The following NEK11 variants were observed in gnomAD, a reference collection of about 807,000 sequenced individuals.
NEK11 encodes serine/threonine-protein kinase Nek11.
Under a neutral mutation model 80.7 loss-of-function variants are expected in NEK11, and 72 were observed. The observed-to-expected ratio is 0.89, with a 90% confidence interval of 0.74 to 1.08. NEK11 has a LOEUF of 1.08. Ranked by LOEUF, NEK11 falls within the 50% of genes least tolerant of loss-of-function variation. The probability of loss-of-function intolerance (pLI) is 0.00; values close to 1 mark genes in which losing one functional copy is unlikely to be tolerated. For missense variants in NEK11, 764 were observed against 763.6 expected (o/e 1.00, Z -0.01); for synonymous variants, 251 against 260.7 (o/e 0.96, Z 0.36).
chr3:131,203,345 C>T (rs1485334870), intron 14 of NEK11, among the ~76,000 whole-genome samples: 4 of 150,492 alleles, frequency 2.7e-5, no homozygotes, highest in East Asian at 2.0e-4. Context: ...AACCAAACAC[C>T]GCATGTTCTC....
chr3:131,150,172 C>T (rs182054643), intron 7 of NEK11, among the ~76,000 whole-genome samples: 95 of 152,048 alleles, frequency 6.2e-4, no homozygotes, highest in African/African-American at 2.2e-3. Context: ...ATGTCTAGCA[C>T]AATTTTACTG....
Position 131,315,281 on chromosome 3 carries a change from C to G in NEK11, c.1719-34276C>G, listed in dbSNP as rs181686291. 2.8e-3 allele frequency among the ~76,000 whole-genome samples: 421 copies of G among 152,286 alleles called. 7 individuals are homozygous for G. The highest frequency in any genetic ancestry group is 0.012 in the Admixed American group (183 of 15,288). ...ACATCTTCCCATTTAATCCCTCCCC[C>G]CAACAGCCACCATTCTATTCTCTGT... On this transcript the variant is annotated intron_variant, in intron 17 of 17. Transcript: ENST00000383366.
At position 131,349,804 on chromosome 3, in the gene NEK11, A is replaced by C; in HGVS notation, c.*28A>C. 1 of 1,533,618 alleles carries C rather than the reference A, an allele frequency of 6.5e-7. No homozygotes were observed. The highest frequency in any genetic ancestry group is 9.0e-7 in the Non-Finnish European group (1 of 1,109,464). On this transcript the variant is annotated 3_prime_UTR_variant, in exon 18 of 18. Coordinates refer to ENST00000383366, the MANE Select transcript of NEK11 (RefSeq NM_024800.5). ...AACTATCAAAAAGAAGCAGAAGTTCAAGTGGACAAATTTATGTGAAAATTC... is the reference window on the plus strand; with the variant it reads ...AACTATCAAAAAGAAGCAGAAGTTCCAGTGGACAAATTTATGTGAAAATTC...
chr3:131,337,795 C>G (rs1468987706), intron 17 of NEK11, among the ~76,000 whole-genome samples: 1 of 151,998 alleles, frequency 6.6e-6, no homozygotes, highest in Non-Finnish European at 1.5e-5. Context: ...CAATCTGAAC[C>G]CCCCCTCCAT....
rs547479388 is a variant in NEK11, at chr3:131,298,224, G to A, written c.1718+24650G>A. ...AAGAAAGTCATTGGTAGCTTGATGG[G>A]GATGGCATTGAATCTATAAATTACC... is the stretch of plus-strand genomic sequence containing the variant. On this transcript the variant is annotated intron_variant, in intron 17 of 17. Coordinates refer to ENST00000383366, the MANE Select transcript of NEK11 (RefSeq NM_024800.5). Among the ~76,000 whole-genome samples the A allele has an allele frequency of 9.2e-5, 14 of 151,564 alleles. No homozygotes were observed. In the East Asian group the frequency reaches 2.1e-3, roughly 23 times the overall value.
At chr3:131,033,377 G>T (rs1162530315) in intron 3 of NEK11, among the ~76,000 whole-genome samples, 1 of 152,032 alleles carries the variant, frequency 6.6e-6, no homozygotes, top group Admixed American at 6.6e-5. Flanking sequence ...TTCTATAATG[G>T]TATGAATGCT....
At chr3:131,198,358 ATCTTT>A (rs1201757825) in intron 14 of NEK11, among the ~76,000 whole-genome samples, 1 of 152,220 alleles carries the variant, frequency 6.6e-6, no homozygotes, top group Non-Finnish European at 1.5e-5. Context: ...GTTACATTCT[ATCTTT>A]TCTTCATTGT....
intron 16 of NEK11, among the ~76,000 whole-genome samples, chr3:131,259,439 C>T (rs1337336020): frequency 6.6e-6 from 1 of 152,150 alleles, no homozygotes; most frequent in Non-Finnish European, 1.5e-5. Flanking sequence ...ATTAAAGGAA[C>T]CAAGACAATA....
intron 5 of NEK11, among the ~76,000 whole-genome samples, chr3:131,110,621 A>G (rs913236064): frequency 2.0e-5 from 3 of 152,166 alleles, no homozygotes; most frequent in Non-Finnish European, 2.9e-5. Context: ...ATGAACATAC[A>G]TAGACAAAAA....
intron 17 of NEK11, among the ~76,000 whole-genome samples, chr3:131,334,519 A>G (rs2097148854): frequency 6.6e-6 from 1 of 151,386 alleles, no homozygotes; most frequent in African/African-American, 2.4e-5. Context: ...AAAGCAGGAA[A>G]GATCCAAAAT....
At chr3:131,053,531 T>C (rs1037582852) in intron 3 of NEK11, 1 of 152,230 alleles carries the variant, frequency 6.6e-6, no homozygotes, top group African/African-American at 2.4e-5. Flanking sequence ...TACACAAAGG[T>C]ATATGTGTAT....
chr3:131,246,106 A>T (rs546854715), intron 16 of NEK11, among the ~76,000 whole-genome samples: 46 of 152,100 alleles, frequency 3.0e-4, no homozygotes, highest in East Asian at 1.7e-3. Context: ...AAACAAAAAA[A>T]TTTTTTTTAT....
At position 131,349,638 on chromosome 3, in the gene NEK11, C is replaced by T. The variant is rs147225516; in HGVS notation, c.1800C>T (p.Ser600=). Reference sequence around the variant, plus strand: ...AGAGAGCAAGGCATCAGAATGCTAGCGAAGCAGAGATCCGCGAGTGTTTGG... The same window carrying T: ...AGAGAGCAAGGCATCAGAATGCTAGTGAAGCAGAGATCCGCGAGTGTTTGG... ...YLKRARHQNA[S]EAEIRECLEK... Residue 600 remains serine (S), a synonymous_variant, in exon 18 of 18, where the codon AGC becomes AGT. Transcript: ENST00000383366. The T allele has an allele frequency of 6.0e-5, 97 of 1,614,054 alleles. No homozygotes were observed. In the African/African-American group the frequency reaches 6.9e-4, roughly 12 times the overall value.
intron 17 of NEK11, among the ~76,000 whole-genome samples, chr3:131,305,523 A>G (rs1258952748): frequency 6.6e-6 from 1 of 152,188 alleles, no homozygotes; most frequent in African/African-American, 2.4e-5. Flanking sequence ...CCCTAAGGTT[A>G]AAGTCTCCTA....
intron 17 of NEK11, among the ~76,000 whole-genome samples, chr3:131,332,852 G>C (rs905665907): frequency 1.3e-5 from 2 of 152,228 alleles, no homozygotes; most frequent in Non-Finnish European, 2.9e-5. Flanking sequence ...CAATCGACTG[G>C]AAGAAAGGGT....
At chr3:131,335,689 C>T (rs1214240321) in intron 17 of NEK11, among the ~76,000 whole-genome samples, 2 of 152,188 alleles carry the variant, frequency 1.3e-5, no homozygotes, top group Non-Finnish European at 2.9e-5. Flanking sequence ...TCCCTGTTTG[C>T]AGATGACATG....
chr3:131,301,495 T>C (rs984452737), intron 17 of NEK11, among the ~76,000 whole-genome samples: 1 of 152,042 alleles, frequency 6.6e-6, no homozygotes, highest in Admixed American at 6.6e-5. Flanking sequence ...TTGTTCAGTA[T>C]GATGTTGGCT....
At chr3:131,319,051 CAT>C (rs1394048467) in intron 17 of NEK11, among the ~76,000 whole-genome samples, 8 of 151,772 alleles carry the variant, frequency 5.3e-5, no homozygotes, top group Admixed American at 6.6e-5. Flanking sequence ...ATAATGTTGA[CAT>C]AAACTTTTTT....
intron 5 of NEK11, among the ~76,000 whole-genome samples, chr3:131,115,902 T>TTTTCTTTTTC (rs2080946924): frequency 4.3e-5 from 3 of 70,256 alleles, no homozygotes; most frequent in African/African-American, 1.7e-4. Flanking sequence ...AAAGGTAGTG[T>TTTTCTTTTTC]TTTCTTTCTT....
Sources: allele counts gnomAD v4.1 joint callset (sites outside exome capture counted in the v4.1 genomes callset), GRCh38; gene constraint gnomAD v4.1.1; transcripts MANE v1.5; gene names NCBI Gene and HGNC (gene_info 2026-07-23, HGNC 2026-07-21).